The following IL15 variants were observed in gnomAD, a reference collection of about 807,000 sequenced individuals.
IL15 encodes the protein interleukin 15.
IL15 carries 11 observed loss-of-function variants against 19.6 expected under a neutral mutation model. That is an observed-to-expected ratio of 0.56 (90% CI 0.35 to 0.93). The LOEUF (loss-of-function observed/expected upper bound fraction) is 0.93. Among genes scored for constraint, IL15 ranks in the 40% least tolerant of loss-of-function variants. IL15 has a pLI of 0.01. For missense variants in IL15, 197 were observed against 186.5 expected, an observed-to-expected ratio of 1.06 and a Z score of -0.33; for synonymous variants, 58 against 59.6, an observed-to-expected ratio of 0.97 and a Z score of 0.12.
chr4:141,711,170 TC>T (rs1001380926), intron 2 of IL15, among the ~76,000 whole-genome samples: 1 of 152,160 alleles, frequency 6.6e-6, no homozygotes, highest in Non-Finnish European at 1.5e-5. Context: ...TAAAATTGTA[TC>T]TCAATAAAGT....
chr4:141,706,051 T>C (rs1201891238), intron 2 of IL15, among the ~76,000 whole-genome samples: 1 of 152,022 alleles, frequency 6.6e-6, no homozygotes, highest in East Asian at 1.9e-4. Flanking sequence ...TCCACTTATA[T>C]TCAAGGTTAT....
intron 2 of IL15, among the ~76,000 whole-genome samples, chr4:141,663,621 T>A (rs138894264): frequency 6.6e-6 from 1 of 152,346 alleles, no homozygotes; most frequent in East Asian, 1.9e-4. Flanking sequence ...TTCAGATTCT[T>A]CTTGCCCTAT....
intron 2 of IL15, among the ~76,000 whole-genome samples, chr4:141,677,679 T>C (rs78370905): frequency 0.024 from 3,651 of 152,260 alleles, 154 homozygotes; most frequent in African/African-American, 0.082. Context: ...AAACCAGCAA[T>C]GGCATGTTGA....
chr4:141,637,319 A>C (rs930852736), intron 1 of IL15: 2 of 152,306 alleles, frequency 1.3e-5, no homozygotes, highest in African/African-American at 4.8e-5. Context: ...CTACCTTTGC[A>C]AAATCAAATT....
intron 2 of IL15, among the ~76,000 whole-genome samples, chr4:141,672,354 C>G (rs1440035149): frequency 1.3e-5 from 2 of 152,114 alleles, no homozygotes; most frequent in African/African-American, 4.8e-5. Flanking sequence ...CAGTTTTCCT[C>G]TTATCTAAGT....
At chr4:141,705,758 G>C (rs936867045) in intron 2 of IL15, among the ~76,000 whole-genome samples, 4 of 152,082 alleles carry the variant, frequency 2.6e-5, no homozygotes, top group South Asian at 2.1e-4. Context: ...GGGTGCTCTG[G>C]TGTTGGGTGC....
rs552203961 is a variant in IL15 at position 141,675,728 on chromosome 4, ATCATT to A, written c.-100+19425_-100+19429del. On this transcript the variant is annotated intron_variant, in intron 2 of 7. Coordinates refer to ENST00000320650, the MANE Select transcript of IL15 (RefSeq NM_000585.5). ...ATGAGGACTGCCACTTTGATTGCCC[ATCATT>A]TCAAGATACATGAATCCAGCCTAGG... 4.0e-3 allele frequency among the ~76,000 whole-genome samples: 608 copies of A among 152,328 alleles called. 2 individuals carry two copies. Among genetic ancestry groups the A allele is most frequent in the African/African-American group, 0.014 (573 of 41,572 alleles).
intron 1 of IL15, among the ~76,000 whole-genome samples, chr4:141,637,403 G>C (rs985230253): frequency 1.3e-5 from 2 of 152,012 alleles, no homozygotes; most frequent in African/African-American, 4.8e-5. Flanking sequence ...TGGCAGTCAG[G>C]CCTGGGTCTG....
intron 2 of IL15, among the ~76,000 whole-genome samples, chr4:141,700,093 A>G (rs1729234244): frequency 6.6e-6 from 1 of 151,736 alleles, no homozygotes; most frequent in African/African-American, 2.4e-5. Flanking sequence ...TAATTTTTGT[A>G]TTTTTAGTAC....
At chr4:141,732,154 T>C (rs907019124) in intron 7 of IL15, among the ~76,000 whole-genome samples, 4 of 152,186 alleles carry the variant, frequency 2.6e-5, no homozygotes, top group Non-Finnish European at 5.9e-5. Flanking sequence ...GATGTAAAGA[T>C]GGGACATTGA....
intron 2 of IL15, among the ~76,000 whole-genome samples, chr4:141,672,874 A>G (rs1728220493): frequency 6.6e-6 from 1 of 152,112 alleles, no homozygotes; most frequent in Non-Finnish European, 1.5e-5. Context: ...GCACCCTACT[A>G]TTCTTTTGAT....
intron 1 of IL15, among the ~76,000 whole-genome samples, chr4:141,638,193 A>G (rs916526291): frequency 2.0e-5 from 3 of 152,242 alleles, no homozygotes; most frequent in Non-Finnish European, 1.5e-5. Context: ...ATAAAGACAT[A>G]TAAAGAGAAG....
intron 2 of IL15, among the ~76,000 whole-genome samples, chr4:141,684,436 G>A (rs982038715): frequency 3.9e-5 from 6 of 152,114 alleles, no homozygotes; most frequent in South Asian, 4.1e-4. Context: ...TAATTGTTAG[G>A]CAGCATCACT....
At chr4:141,690,488 C>G (rs924554345) in intron 2 of IL15, among the ~76,000 whole-genome samples, 1 of 152,196 alleles carries the variant, frequency 6.6e-6, no homozygotes, top group African/African-American at 2.4e-5. Context: ...TCTCCCTTGT[C>G]CTGCATATCC....
chr4:141,690,919 C>T (rs564846543), intron 2 of IL15, among the ~76,000 whole-genome samples: 16 of 152,250 alleles, frequency 1.1e-4, no homozygotes, highest in Admixed American at 2.6e-4. Flanking sequence ...GCCAGGAAAG[C>T]GCTTTTCTTC....
At chr4:141,652,720 A>G (rs17007494) in intron 1 of IL15, among the ~76,000 whole-genome samples, 3,050 of 152,260 alleles carry the variant, frequency 0.02, 109 homozygotes, top group African/African-American at 0.069. Flanking sequence ...GTCTGGAGAA[A>G]GAGTACTGGA....
intron 3 of IL15, 49 bp from the exon 4 acceptor site, chr4:141,720,420 A>T: frequency 1.1e-6 from 1 of 941,264 alleles, no homozygotes; most frequent in Non-Finnish European, 1.7e-6. Flanking sequence ...TTTAAACCTC[A>T]CTTTTTAACT....
chr4:141,664,851 G>T (rs1277425651), intron 2 of IL15, among the ~76,000 whole-genome samples: 1 of 151,998 alleles, frequency 6.6e-6, no homozygotes, highest in Non-Finnish European at 1.5e-5. Flanking sequence ...TCATTTTTTA[G>T]CCATGTGAAT....
chr4:141,666,106 T>TTATG (rs1320433790), intron 2 of IL15, among the ~76,000 whole-genome samples: 4 of 150,294 alleles, frequency 2.7e-5, no homozygotes, highest in African/African-American at 9.7e-5. Flanking sequence ...ATTTATTTAT[T>TTATG]TATTTATTTT....
Sources: gnomAD v4.1 joint callset for allele counts (sites outside exome capture counted in the v4.1 genomes callset) on GRCh38, gnomAD v4.1.1 for gene constraint, MANE v1.5 for transcripts, NCBI Gene and HGNC (gene_info 2026-07-23, HGNC 2026-07-21) for gene names.